PPP2R2B: variants seen among roughly 807,000 people sequenced by gnomAD.
The protein encoded by PPP2R2B is protein phosphatase 2 regulatory subunit Bbeta.
Under a neutral mutation model 46.0 loss-of-function variants are expected in PPP2R2B, and 5 were observed. The ratio of observed to expected loss-of-function variants is 0.11; its 90% CI spans 0.06 to 0.23. The LOEUF (loss-of-function observed/expected upper bound fraction) is 0.23, where lower values mean the gene tolerates loss of function less well. Ranked by LOEUF, PPP2R2B falls within the 10% of genes least tolerant of loss-of-function variation. PPP2R2B has a pLI of 1.00. For missense variants in PPP2R2B, 367 were observed against 575.0 expected (o/e 0.64, Z 3.70); for synonymous variants, 215 against 206.7 (o/e 1.04, Z -0.34).
At position 147,000,441 on chromosome 5, in the gene PPP2R2B, G is replaced by T. The variant is rs528427808; in HGVS notation, c.79+55224C>A. On this transcript the variant is annotated intron_variant, in intron 1 of 8. Coordinates refer to the PPP2R2B transcript ENST00000336640. ...GTTCCTGCTCCTGTAAATGTGTTCTGCCATTTACAAGCTATGTAGCCTTGT... is the reference window on the plus strand; with the variant it reads ...GTTCCTGCTCCTGTAAATGTGTTCTTCCATTTACAAGCTATGTAGCCTTGT... 2.0e-5 allele frequency among the ~76,000 whole-genome samples: 3 copies of T among 152,176 alleles called. No individual in the cohort carries two copies. In the South Asian group the frequency reaches 6.2e-4, roughly 32 times the overall value.
chr5:146,649,033 C>T (rs1245749170), intron 6 of PPP2R2B, among the ~76,000 whole-genome samples: 1 of 152,022 alleles, frequency 6.6e-6, no homozygotes, highest in Non-Finnish European at 1.5e-5. Flanking sequence ...TTGAAGGGTT[C>T]GTACTGTATA....
chr5:146,903,725 A>G (rs1762912931), intron 1 of PPP2R2B, among the ~76,000 whole-genome samples: 1 of 152,148 alleles, frequency 6.6e-6, no homozygotes. Flanking sequence ...AATGCTTAAG[A>G]GTACATGCTT....
At chr5:146,901,499 TCAAA>T (rs752489846) in intron 1 of PPP2R2B, among the ~76,000 whole-genome samples, 4 of 151,980 alleles carry the variant, frequency 2.6e-5, no homozygotes, top group Admixed American at 6.6e-5. Flanking sequence ...AGACCCTGCC[TCAAA>T]CAAACAAACA....
intron 5 of PPP2R2B, among the ~76,000 whole-genome samples, chr5:146,687,840 C>T (rs578144269): frequency 5.3e-5 from 8 of 152,180 alleles, no homozygotes; most frequent in East Asian, 3.9e-4. Context: ...AATTAGCTGT[C>T]GGGTATTATT....
intron 1 of PPP2R2B, among the ~76,000 whole-genome samples, chr5:147,011,320 G>C (rs1754722360): frequency 6.6e-6 from 1 of 151,798 alleles, no homozygotes; most frequent in Non-Finnish European, 1.5e-5. Flanking sequence ...CCCTACATAG[G>C]AGCTTTCCAT....
At chr5:146,900,944 C>G (rs1762816148) in intron 1 of PPP2R2B, among the ~76,000 whole-genome samples, 1 of 152,098 alleles carries the variant, frequency 6.6e-6, no homozygotes, top group Non-Finnish European at 1.5e-5. Flanking sequence ...CATCCATCCC[C>G]CTGCAAAGGA....
chr5:146,869,812 T>C (rs1011985082), intron 2 of PPP2R2B, among the ~76,000 whole-genome samples: 1 of 152,190 alleles, frequency 6.6e-6, no homozygotes, highest in African/African-American at 2.4e-5. Context: ...ATTATAATAA[T>C]GCAGTTGGCA....
At chr5:146,740,249 G>A (rs916152279) in intron 2 of PPP2R2B, among the ~76,000 whole-genome samples, 4 of 152,322 alleles carry the variant, frequency 2.6e-5, no homozygotes, top group South Asian at 4.1e-4. Context: ...TGATAAAAGA[G>A]AACAGCTCTG....
chr5:147,005,671 C>CAG (rs750474374), intron 1 of PPP2R2B, among the ~76,000 whole-genome samples: 19 of 150,488 alleles, frequency 1.3e-4, no homozygotes, highest in Admixed American at 9.3e-4. Flanking sequence ...GACAGGAAGT[C>CAG]AGAGAGAGAG....
At chr5:147,052,389 A>C (rs915878903) in intron 1 of PPP2R2B, among the ~76,000 whole-genome samples, 1 of 152,168 alleles carries the variant, frequency 6.6e-6, no homozygotes, top group African/African-American at 2.4e-5. Flanking sequence ...CAACAGTTAC[A>C]TGTGGGTCCT....
At chr5:146,635,605 T>C (rs190822562) in intron 7 of PPP2R2B, among the ~76,000 whole-genome samples, 1 of 152,294 alleles carries the variant, frequency 6.6e-6, no homozygotes, top group Non-Finnish European at 1.5e-5. Context: ...CCACCCTGGG[T>C]TGGTGGCCCA....
Position 147,065,645 on chromosome 5 carries a change from C to T in PPP2R2B, c.50+15414G>A, listed in dbSNP as rs139527375. ...TAAGATAGTGGCAATGGGGTTGGAG[C>T]GAGGTTGAGGGATTGGAGATACTGA... On this transcript the variant is annotated intron_variant, in intron 2 of 10. Coordinates refer to the PPP2R2B transcript ENST00000394413. 9.2e-5 allele frequency among the ~76,000 whole-genome samples: 14 copies of T among 151,610 alleles called. No homozygotes were observed. In the South Asian group the frequency reaches 2.3e-3, roughly 25 times the overall value.
In PPP2R2B at chr5:146,856,383, A is replaced by T. The variant is rs878875204; in HGVS notation, c.70+21619T>A. 3.0e-5 allele frequency: 23 copies of T among 762,414 alleles called. No homozygotes were observed. The South Asian group carries it at 4.0e-4, about 13-fold the overall frequency. The allele number at this position is 762,414 out of a possible 1,614,324, so 47.2% of individuals were successfully genotyped here. ...AAATTTTAAGCAACTGGAACTATTTAAAAAATGTAAATTAACTTGTGTCCC... is the reference window on the plus strand; with the variant it reads ...AAATTTTAAGCAACTGGAACTATTTTAAAAATGTAAATTAACTTGTGTCCC... On this transcript the variant is annotated intron_variant, in intron 2 of 9. Coordinates refer to ENST00000394411, the MANE Select transcript of PPP2R2B (RefSeq NM_181675.4).
intron 7 of PPP2R2B, among the ~76,000 whole-genome samples, chr5:146,615,514 T>TAAAAAAAAAAAA (rs1561772287): frequency 2.4e-5 from 2 of 83,244 alleles, no homozygotes; most frequent in Non-Finnish European, 4.7e-5. Flanking sequence ...AAAAAAAAAA[T>TAAAAAAAAAAAA]TAAAAAAAAA....
Position 146,878,727 on chromosome 5 carries a change from A to AGCAGCTGCTGCTGCTGCTGCTGCT in PPP2R2B, c.-262_-261insAGCAGCAGCAGCAGCAGCAGCTGC. The AGCAGCTGCTGCTGCTGCTGCTGCT allele has an allele frequency of 6.2e-6, 8 of 1,297,202 alleles. No individual in the cohort carries two copies. The highest frequency in any genetic ancestry group is 8.1e-6 in the Non-Finnish European group (8 of 991,004). 80.4% of individuals were successfully genotyped at this position (1,297,202 alleles called of 1,614,324 possible). On this transcript the variant is annotated 5_prime_UTR_variant, in exon 1 of 10. Coordinates refer to ENST00000394411, the MANE Select transcript of PPP2R2B (RefSeq NM_181675.4). The surrounding 1 kb of genome is among the most constrained non-coding windows in gnomAD (Gnocchi z 4.5). Reference sequence around the variant, plus strand: ...CTCACACCCACACGCGCGCACTCGCAGCTGCTGCTGCTGCTGCTGCTGCTG... The same window carrying AGCAGCTGCTGCTGCTGCTGCTGCT: ...CTCACACCCACACGCGCGCACTCGCAGCAGCTGCTGCTGCTGCTGCTGCTGCTGCTGCTGCTGCTGCTGCTGCTG...
intron 2 of PPP2R2B, among the ~76,000 whole-genome samples, chr5:147,065,758 C>T (rs1757397699): frequency 6.6e-6 from 1 of 151,914 alleles, no homozygotes. Context: ...GAAGGCAGAG[C>T]CAAGAATGAT....
intron 2 of PPP2R2B, among the ~76,000 whole-genome samples, chr5:146,812,498 T>C (rs1757617430): frequency 3.9e-5 from 1 of 25,378 alleles, no homozygotes; most frequent in African/African-American, 9.9e-5. Context: ...ATATATACTG[T>C]ATATATATAC....
At chr5:146,798,890 A>C (rs1756697267) in intron 2 of PPP2R2B, among the ~76,000 whole-genome samples, 1 of 152,190 alleles carries the variant, frequency 6.6e-6, no homozygotes, top group Non-Finnish European at 1.5e-5. Flanking sequence ...TATCTTAGCC[A>C]CTTCACTTCT....
intron 1 of PPP2R2B, among the ~76,000 whole-genome samples, chr5:146,891,235 T>G (rs1190782525): frequency 6.6e-6 from 1 of 152,214 alleles, no homozygotes; most frequent in Non-Finnish European, 1.5e-5. Context: ...GTGGGCAAGT[T>G]TCTTAATCAT....
Sources: allele counts gnomAD v4.1 joint callset (sites outside exome capture counted in the v4.1 genomes callset), GRCh38; gene constraint gnomAD v4.1.1; non-coding constraint Gnocchi (gnomAD v3.1); transcripts MANE v1.5; gene names NCBI Gene and HGNC (gene_info 2026-07-23, HGNC 2026-07-21).